Variants in ACTR3C observed in about 807,000 individuals in gnomAD.
ACTR3C encodes the protein actin-related protein 3C.
A neutral mutation model predicts 26.3 loss-of-function variants in ACTR3C; 18 were observed. The ratio of observed to expected loss-of-function variants is 0.68; its 90% CI spans 0.47 to 1.01. The LOEUF is 1.01. ACTR3C is among the 50% of genes least tolerant of loss of function. The pLI, the probability that ACTR3C is intolerant of heterozygous loss-of-function variation, is 0.00. For synonymous variants in ACTR3C, 55 were observed against 94.5 expected (o/e 0.58, Z 2.42); for missense variants, 184 against 250.7 (o/e 0.73, Z 1.80).
chr7:149,976,781 A>G, the ACTR3C span, among the ~76,000 whole-genome samples: 49 of 152,306 alleles, frequency 3.2e-4, no homozygotes, highest in African/African-American at 1.1e-3. Flanking sequence ...GGAATATTAT[A>G]GAGTAACAAC....
chr7:149,956,793 C>CG, the ACTR3C span, among the ~76,000 whole-genome samples: 1 of 152,078 alleles, frequency 6.6e-6, no homozygotes, highest in Non-Finnish European at 1.5e-5. Context: ...TGGATAGAAG[C>CG]AGGAGTCCCA....
At chr7:149,969,215 C>A in the ACTR3C span, among the ~76,000 whole-genome samples, 2 of 150,430 alleles carry the variant, frequency 1.3e-5, no homozygotes, top group Non-Finnish European at 3.0e-5. Context: ...GTCTGGCCAA[C>A]ATTGGGAAAC....
the ACTR3C span, among the ~76,000 whole-genome samples, chr7:149,963,334 G>A: frequency 8.5e-5 from 13 of 152,190 alleles, no homozygotes; most frequent in East Asian, 1.7e-3. Flanking sequence ...CATTTTTCTC[G>A]GTTTATCTAC....
chr7:150,234,693 T>C, the ACTR3C span, among the ~76,000 whole-genome samples: 13 of 152,372 alleles, frequency 8.5e-5, no homozygotes, highest in South Asian at 4.1e-4. Context: ...TTTGCAGATT[T>C]CTGGGTGGCT....
chr7:150,231,198 G>A, the ACTR3C span, among the ~76,000 whole-genome samples: 5,376 of 152,028 alleles, frequency 0.035, 127 homozygotes, highest in African/African-American at 0.056. Flanking sequence ...TAGATCGTGC[G>A]ATATTTAGAA....
chr7:150,100,660 C>T, the ACTR3C span, among the ~76,000 whole-genome samples: 1 of 151,238 alleles, frequency 6.6e-6, no homozygotes, highest in East Asian at 1.9e-4. Context: ...TCCCAGCTAT[C>T]TTATATATAT....
Position 150,323,313 on chromosome 7 carries a change from G to A in ACTR3C, c.-52+156C>T, listed in dbSNP as rs528295190. On this transcript the variant is annotated intron_variant, in intron 1 of 7. Coordinates refer to ENST00000683684, the MANE Select transcript of ACTR3C (RefSeq NM_001164458.2). The stretch of plus-strand genomic sequence containing the variant: ...CCTGGCGCATCCCGGAATCCAGAGC[G>A]CCCACTACGGCCTTTGGCCAGGCCC... 8 of 261,248 alleles carry A rather than the reference G, an allele frequency of 3.1e-5. No individual in the cohort carries two copies. In the Admixed American group the frequency reaches 3.6e-4, roughly 12 times the overall value. The allele number at this position is 261,248 out of a possible 1,614,324, so 16.2% of individuals were successfully genotyped here.
At chr7:150,150,164 C>T in the ACTR3C span, among the ~76,000 whole-genome samples, 2 of 152,074 alleles carry the variant, frequency 1.3e-5, no homozygotes, top group Non-Finnish European at 2.9e-5. Context: ...CCAAATGAAA[C>T]CTTCCTCCCT....
At chr7:150,012,476 G>T in the ACTR3C span, among the ~76,000 whole-genome samples, 154 of 151,494 alleles carry the variant, frequency 1.0e-3, no homozygotes, top group African/African-American at 3.6e-3. Context: ...CACCATGCCC[G>T]GCTAATTTTT....
At chr7:150,059,591 A>AGAGGAAGGACAGAG in the ACTR3C span, among the ~76,000 whole-genome samples, 1 of 152,216 alleles carries the variant, frequency 6.6e-6, no homozygotes, top group African/African-American at 2.4e-5. Context: ...AGAGGAGGGT[A>AGAGGAAGGACAGAG]GAGGAAGGAC....
chr7:150,085,983 CTT>C, the ACTR3C span, among the ~76,000 whole-genome samples: 1 of 144,266 alleles, frequency 6.9e-6, no homozygotes, highest in African/African-American at 2.6e-5. Context: ...TTTCTTTCTT[CTT>C]TTTTTTTTTG....
intron 6 of ACTR3C, among the ~76,000 whole-genome samples, chr7:150,279,392 T>C (rs55732298): frequency 0.024 from 3,585 of 152,302 alleles, 131 homozygotes; most frequent in African/African-American, 0.082. Context: ...CACATAATTA[T>C]ATATATTCAA....
the ACTR3C span, among the ~76,000 whole-genome samples, chr7:150,052,056 C>T: frequency 2.6e-5 from 4 of 152,142 alleles, no homozygotes; most frequent in East Asian, 7.7e-4. Flanking sequence ...AATGAAATGG[C>T]TAAGTTAGCA....
chr7:150,004,229 A>G, the ACTR3C span, among the ~76,000 whole-genome samples: 47,833 of 150,382 alleles, frequency 0.32, 8,205 homozygotes, highest in Non-Finnish European at 0.38. Flanking sequence ...TGTGTGTGGT[A>G]TGTGGGGTGT....
chr7:150,092,613 G>A, the ACTR3C span, among the ~76,000 whole-genome samples: 121 of 150,170 alleles, frequency 8.1e-4, 2 homozygotes, highest in African/African-American at 2.4e-3. Flanking sequence ...ATTGCCTTAC[G>A]GTCATTAATA....
At chr7:150,105,585 C>T in the ACTR3C span, among the ~76,000 whole-genome samples, 4 of 152,064 alleles carry the variant, frequency 2.6e-5, no homozygotes, top group East Asian at 1.9e-4. Flanking sequence ...AGCACAGACT[C>T]CATGTCACCG....
At chr7:150,311,393 T>C (rs1227266363) in intron 1 of ACTR3C, among the ~76,000 whole-genome samples, 2 of 152,190 alleles carry the variant, frequency 1.3e-5, no homozygotes, top group Non-Finnish European at 2.9e-5. Context: ...CTTTAATACG[T>C]CTAGAGGCCC....
the ACTR3C span, among the ~76,000 whole-genome samples, chr7:150,224,465 A>G: frequency 1.8e-4 from 27 of 152,300 alleles, no homozygotes; most frequent in African/African-American, 5.5e-4. Context: ...TAGATATGTA[A>G]AAGTTAAGAG....
At chr7:150,089,347 A>G in the ACTR3C span, among the ~76,000 whole-genome samples, 1 of 152,250 alleles carries the variant, frequency 6.6e-6, no homozygotes, top group African/African-American at 2.4e-5. Flanking sequence ...ACAGATTCTC[A>G]TTAGCATCAG....
Sources: allele counts gnomAD v4.1 joint callset (sites outside exome capture counted in the v4.1 genomes callset), GRCh38; gene constraint gnomAD v4.1.1; transcripts MANE v1.5; gene names NCBI Gene and HGNC (gene_info 2026-07-23, HGNC 2026-07-21).